Variants in RAD18 observed in about 807,000 individuals in gnomAD.
The protein encoded by RAD18 is RAD18 E3 ubiquitin protein ligase, also known as E3 ubiquitin-protein ligase RAD18.
A neutral mutation model predicts 60.4 loss-of-function variants in RAD18; 47 were observed. That is an observed-to-expected ratio of 0.78 (90% confidence interval 0.62 to 0.99). The LOEUF (loss-of-function observed/expected upper bound fraction) is 0.99. Among genes scored for constraint, RAD18 ranks in the 50% least tolerant of loss-of-function variants. The probability of loss-of-function intolerance (pLI) is 0.00; values close to 1 mark genes in which losing one functional copy is unlikely to be tolerated. For synonymous variants in RAD18, 225 were observed against 195.5 expected (o/e 1.15, Z -1.26); for missense variants, 640 against 593.3 (o/e 1.08, Z -0.82).
chr3:8,959,532 T>C lies in RAD18; in HGVS notation c.52-531A>G, dbSNP rs201277617. 3.3e-5 allele frequency among the ~76,000 whole-genome samples: 5 copies of C among 152,210 alleles called. No homozygotes were observed. The East Asian group carries it at 9.6e-4, about 29-fold the overall frequency. ...TCAGTCAAGCCAAGACCAAAATTCC[T>C]GTCTCCCGTCTGGCAGTCCAGTGCT... On this transcript the variant is annotated intron_variant, in intron 1 of 12. Coordinates refer to ENST00000264926, the MANE Select transcript of RAD18 (RefSeq NM_020165.4).
intron 10 of RAD18, among the ~76,000 whole-genome samples, chr3:8,899,984 GTC>G (rs1164250290): frequency 6.6e-6 from 1 of 152,162 alleles, no homozygotes; most frequent in Non-Finnish European, 1.5e-5. Flanking sequence ...AAATACAATT[GTC>G]AAGGTTTGAT....
chr3:8,939,035 G>A (rs1423405668), intron 6 of RAD18, among the ~76,000 whole-genome samples: 1 of 152,028 alleles, frequency 6.6e-6, no homozygotes, highest in Non-Finnish European at 1.5e-5. Flanking sequence ...GGAGGATGGG[G>A]GGGTGGTGTG....
At chr3:8,942,352 T>C (rs1445539366) in intron 4 of RAD18, among the ~76,000 whole-genome samples, 1 of 152,138 alleles carries the variant, frequency 6.6e-6, no homozygotes, top group Non-Finnish European at 1.5e-5. Flanking sequence ...CCGTCTTTTG[T>C]TTTCCACTGT....
At chr3:8,915,554 C>T (rs914631983) in intron 7 of RAD18, among the ~76,000 whole-genome samples, 12 of 151,134 alleles carry the variant, frequency 7.9e-5, no homozygotes, top group African/African-American at 1.9e-4. Flanking sequence ...TTGGACACAG[C>T]GGGCATCACA....
intron 7 of RAD18, among the ~76,000 whole-genome samples, chr3:8,914,646 T>C (rs1414281390): frequency 6.6e-6 from 1 of 152,162 alleles, no homozygotes; most frequent in Non-Finnish European, 1.5e-5. Context: ...GAGGTACCTT[T>C]TGCCTCCTTG....
chr3:8,962,709 C>T (rs1229931240), intron 1 of RAD18, among the ~76,000 whole-genome samples: 2 of 152,136 alleles, frequency 1.3e-5, no homozygotes, highest in East Asian at 1.9e-4. Context: ...AAAGTGGCCA[C>T]AAAAATAAAT....
intron 7 of RAD18, among the ~76,000 whole-genome samples, chr3:8,925,484 A>G (rs1409608417): frequency 6.6e-6 from 1 of 152,236 alleles, no homozygotes; most frequent in Admixed American, 6.5e-5. Context: ...CCAGAGGTAC[A>G]AGGAGGAGCT....
At chr3:8,905,201 G>C (rs1037853371) in intron 9 of RAD18, among the ~76,000 whole-genome samples, 4 of 152,208 alleles carry the variant, frequency 2.6e-5, no homozygotes, top group African/African-American at 9.7e-5. Context: ...TCAGCTAGTC[G>C]TGGGAGTGTC....
At chr3:8,912,194 G>T in intron 9 of RAD18, 118 bp downstream of exon 9, 1 of 790,914 alleles carries the variant, frequency 1.3e-6, no homozygotes. Flanking sequence ...AATCTCTTAA[G>T]TAATGTTAAC....
chr3:8,955,202 C>A (rs892488545), intron 2 of RAD18, among the ~76,000 whole-genome samples: 3 of 152,160 alleles, frequency 2.0e-5, no homozygotes, highest in Non-Finnish European at 4.4e-5. Flanking sequence ...AAGCAAAGGT[C>A]TGGACTAGTA....
chr3:8,951,984 C>T (rs550599083), intron 2 of RAD18, among the ~76,000 whole-genome samples: 2 of 152,278 alleles, frequency 1.3e-5, no homozygotes, highest in African/African-American at 4.8e-5. Flanking sequence ...CATACGGACA[C>T]TAATCCCATC....
At chr3:8,930,022 CAA>C (rs1215931039) in intron 7 of RAD18, among the ~76,000 whole-genome samples, 1 of 152,158 alleles carries the variant, frequency 6.6e-6, no homozygotes, top group East Asian at 1.9e-4. Flanking sequence ...AGCAATTCCT[CAA>C]AATGTTAAAA....
In RAD18 at chr3:8,878,243, C is replaced by G. The variant is rs770597682; in HGVS notation, c.*3114G>C. On this transcript the variant is annotated 3_prime_UTR_variant, in exon 13 of 13. Transcript: ENST00000264926. ...AATACACAGAAGGAATGGAGAAATG[C>G]CCCCTTTAAGGTCTCAATGCAGGTA... is the stretch of plus-strand genomic sequence containing the variant. 6.6e-6 allele frequency: 1 copy of G among 152,060 alleles called. No homozygotes were observed. Among genetic ancestry groups the G allele is most frequent in the African/African-American group, 2.4e-5 (1 of 41,380 alleles). 9.4% of individuals were successfully genotyped at this position (152,060 alleles called of 1,614,324 possible). A position where few individuals can be genotyped will look rare whatever the true frequency, so the allele number is the denominator to read the frequency against.
intron 11 of RAD18, among the ~76,000 whole-genome samples, chr3:8,898,680 T>C (rs1939842757): frequency 6.6e-6 from 1 of 152,068 alleles, no homozygotes; most frequent in Non-Finnish European, 1.5e-5. Context: ...GGCTATAGAG[T>C]AGAGACCAAA....
At chr3:8,905,629 A>G (rs1939990450) in intron 9 of RAD18, among the ~76,000 whole-genome samples, 1 of 152,252 alleles carries the variant, frequency 6.6e-6, no homozygotes, top group African/African-American at 2.4e-5. Flanking sequence ...AGAGTTTAAC[A>G]GTTATGGCTA....
At chr3:8,900,018 GA>G (rs1225738101) in intron 10 of RAD18, among the ~76,000 whole-genome samples, 1 of 152,124 alleles carries the variant, frequency 6.6e-6, no homozygotes, top group Non-Finnish European at 1.5e-5. Flanking sequence ...AATTTATGGG[GA>G]AAGAACATAA....
chr3:8,939,708 G>C (rs1940714945), intron 5 of RAD18, 55 bp from the exon 6 acceptor site: 2 of 1,408,474 alleles, frequency 1.4e-6, no homozygotes, highest in Non-Finnish European at 2.0e-6. Context: ...AGGGGCAAAA[G>C]TATGTAAACT....
chr3:8,915,653 G>A (rs959320142), intron 7 of RAD18, among the ~76,000 whole-genome samples: 7 of 149,978 alleles, frequency 4.7e-5, no homozygotes, highest in Non-Finnish European at 8.9e-5. Flanking sequence ...GCGCGATCTC[G>A]GCTCACTGCA....
chr3:8,890,852 C>T (rs1939673010), intron 11 of RAD18, among the ~76,000 whole-genome samples: 1 of 151,992 alleles, frequency 6.6e-6, no homozygotes, highest in Non-Finnish European at 1.5e-5. Flanking sequence ...CTGTTTTAAC[C>T]CAACCTTTTC....
Sources: allele counts gnomAD v4.1 joint callset (sites outside exome capture counted in the v4.1 genomes callset), GRCh38; gene constraint gnomAD v4.1.1; transcripts MANE v1.5; gene names NCBI Gene and HGNC (gene_info 2026-07-23, HGNC 2026-07-21).